Variants in TENM4 observed in about 807,000 individuals in gnomAD.
TENM4 encodes teneurin-4.
In TENM4, 82 loss-of-function variants were observed where a neutral mutation model predicts 243.3. The ratio of observed to expected loss-of-function variants is 0.34; its 90% CI spans 0.28 to 0.40. TENM4 has a LOEUF of 0.40. Among genes scored for constraint, TENM4 ranks in the 10% least tolerant of loss-of-function variants. The pLI, the probability that TENM4 is intolerant of heterozygous loss-of-function variation, is 1.00. For synonymous variants in TENM4, 1,412 were observed against 1,456.3 expected, an observed-to-expected ratio of 0.97 and a Z score of 0.69; for missense variants, 3,138 against 3,673.3, an observed-to-expected ratio of 0.85 and a Z score of 3.77.
chr11:79,058,361 G>C (rs1208533681), intron 6 of TENM4, among the ~76,000 whole-genome samples: 1 of 152,022 alleles, frequency 6.6e-6, no homozygotes, highest in Non-Finnish European at 1.5e-5. Flanking sequence ...GGCTAACACA[G>C]TGAAACCCTG....
At chr11:78,862,499 G>A (rs769251067) in intron 10 of TENM4, among the ~76,000 whole-genome samples, 13 of 152,130 alleles carry the variant, frequency 8.5e-5, no homozygotes, top group East Asian at 1.9e-4. Flanking sequence ...AAGGTCACAC[G>A]TTTAGTAAAT....
intron 2 of TENM4, among the ~76,000 whole-genome samples, chr11:79,236,797 T>G (rs376625850): frequency 3.6e-4 from 55 of 152,248 alleles, no homozygotes; most frequent in African/African-American, 1.2e-3. Context: ...CCCACAGGAT[T>G]GTAGAGGGCG....
intron 1 of TENM4, among the ~76,000 whole-genome samples, chr11:79,351,888 G>A (rs1857420623): frequency 6.6e-6 from 1 of 152,024 alleles, no homozygotes; most frequent in South Asian, 2.1e-4. Flanking sequence ...GCCTAGATTG[G>A]AGCCAAGGAG....
chr11:78,704,159 C>CTATATATATATATATATATATA (rs56026926), intron 27 of TENM4, among the ~76,000 whole-genome samples: 52 of 106,012 alleles, frequency 4.9e-4, no homozygotes, highest in Non-Finnish European at 8.2e-4. Flanking sequence ...GTATGTGTGT[C>CTATATATATATATATATATATA]TATATATATA....
At chr11:79,038,476 A>G (rs778189104) in intron 6 of TENM4, among the ~76,000 whole-genome samples, 5 of 152,026 alleles carry the variant, frequency 3.3e-5, no homozygotes, top group South Asian at 4.2e-4. Flanking sequence ...CTTTTCCCCA[A>G]TGCCTTCCTT....
At chr11:79,021,069 T>C (rs1291631346) in intron 6 of TENM4, among the ~76,000 whole-genome samples, 3 of 152,276 alleles carry the variant, frequency 2.0e-5, no homozygotes, top group African/African-American at 7.2e-5. Context: ...TAGCATACAA[T>C]AGACACTCAA....
intron 1 of TENM4, among the ~76,000 whole-genome samples, chr11:79,297,757 G>A (rs188098082): frequency 1.5e-4 from 23 of 152,178 alleles, no homozygotes; most frequent in East Asian, 9.7e-4. Flanking sequence ...CAGGACGCTC[G>A]CTGATGGTGC....
At chr11:78,703,800 GT>G (rs1219474159) in intron 27 of TENM4, among the ~76,000 whole-genome samples, 16 of 151,788 alleles carry the variant, frequency 1.1e-4, no homozygotes, top group African/African-American at 3.4e-4. Context: ...TTGATATTTG[GT>G]CCAATCTGGG....
chr11:79,208,516 G>T (rs534047259), intron 3 of TENM4, among the ~76,000 whole-genome samples: 3 of 152,304 alleles, frequency 2.0e-5, no homozygotes, highest in South Asian at 4.1e-4. Context: ...GGTAGTTCTT[G>T]ATGTTGTTCT....
intron 2 of TENM4, among the ~76,000 whole-genome samples, chr11:79,261,685 T>A (rs1016932361): frequency 6.6e-6 from 1 of 152,188 alleles, no homozygotes; most frequent in African/African-American, 2.4e-5. Flanking sequence ...TACAATTTTT[T>A]TGGTTTGCTT....
Position 79,054,143 on chromosome 11 carries a change from C to T in TENM4, c.493+10595G>A, listed in dbSNP as rs188637225. Among the ~76,000 whole-genome samples the T allele has an allele frequency of 1.7e-4, 26 of 152,300 alleles. No homozygotes were observed. The East Asian group carries it at 4.1e-3, about 24-fold the overall frequency. On this transcript the variant is annotated intron_variant, in intron 6 of 33. Transcript: ENST00000278550. Reference sequence around the variant, plus strand: ...TCGGGGATGCTTTTCCTGCTGTCCCCACAGCCCATAGTTACTCTACGGCTT... The same window carrying T: ...TCGGGGATGCTTTTCCTGCTGTCCCTACAGCCCATAGTTACTCTACGGCTT...
intron 1 of TENM4, among the ~76,000 whole-genome samples, chr11:79,319,925 G>C (rs1856860228): frequency 6.6e-6 from 1 of 152,140 alleles, no homozygotes; most frequent in Non-Finnish European, 1.5e-5. Context: ...GTAGTTGGTT[G>C]ACAAGATTTT....
intron 6 of TENM4, among the ~76,000 whole-genome samples, chr11:79,045,634 G>A (rs369318830): frequency 3.9e-5 from 6 of 152,128 alleles, no homozygotes; most frequent in African/African-American, 1.4e-4. Flanking sequence ...AGGCAGCCAC[G>A]GACAGTTAAT....
At chr11:79,049,240 C>T (rs1202471626) in intron 6 of TENM4, among the ~76,000 whole-genome samples, 11 of 152,188 alleles carry the variant, frequency 7.2e-5, no homozygotes. Flanking sequence ...GTAGCACTGG[C>T]CCACTGTGAG....
chr11:78,770,499 G>C (rs1005422176), intron 18 of TENM4, among the ~76,000 whole-genome samples: 21 of 152,204 alleles, frequency 1.4e-4, no homozygotes, highest in Admixed American at 1.4e-3. Flanking sequence ...CAAAGCAAAG[G>C]CCATTTCTAT....
chr11:78,727,231 G>A (rs7926118), intron 22 of TENM4, among the ~76,000 whole-genome samples: 26,099 of 152,024 alleles, frequency 0.17, 2,891 homozygotes, highest in Middle Eastern at 0.29. Context: ...GGCGGATCAC[G>A]AGGTCAGGAG....
intron 12 of TENM4, among the ~76,000 whole-genome samples, chr11:78,853,098 G>A (rs1360793523): frequency 6.6e-6 from 1 of 152,076 alleles, no homozygotes; most frequent in Non-Finnish European, 1.5e-5. Context: ...ATGTCAGAGA[G>A]ATTCCTAGCC....
chr11:79,150,869 T>C (rs146848308), intron 3 of TENM4, among the ~76,000 whole-genome samples: 2,329 of 152,320 alleles, frequency 0.015, 57 homozygotes, highest in East Asian at 0.075. Context: ...TACCAATCAC[T>C]GTGCTAAACA....
At chr11:78,698,167 C>G (rs573999) in intron 28 of TENM4, among the ~76,000 whole-genome samples, 2 of 152,036 alleles carry the variant, frequency 1.3e-5, no homozygotes, top group African/African-American at 4.8e-5. Context: ...TTTGGGAGGC[C>G]TAGGTGGGCG....
Sources: allele counts gnomAD v4.1 joint callset (sites outside exome capture counted in the v4.1 genomes callset), GRCh38; gene constraint gnomAD v4.1.1; transcripts MANE v1.5; gene names NCBI Gene and HGNC (gene_info 2026-07-23, HGNC 2026-07-21).